SORBS2: variants seen among roughly 807,000 people sequenced by gnomAD.
The protein encoded by SORBS2 is sorbin and SH3 domain containing 2, also known as sorbin and SH3 domain-containing protein 2.
SORBS2 carries 46 observed loss-of-function variants against 97.7 expected under a neutral mutation model. That is an observed-to-expected ratio of 0.47 (90% CI 0.37 to 0.60). SORBS2 has a LOEUF of 0.60. SORBS2 is among the 20% of genes least tolerant of loss of function. The pLI is 0.00. For missense variants in SORBS2, 1,316 were observed against 1,282.3 expected (o/e 1.03, Z -0.40); for synonymous variants, 476 against 473.4 (o/e 1.01, Z -0.07).
intron 12 of SORBS2, among the ~76,000 whole-genome samples, chr4:185,599,950 TG>T (rs1185214864): frequency 6.6e-6 from 1 of 152,206 alleles, no homozygotes; most frequent in East Asian, 1.9e-4. Flanking sequence ...GACCCTACCC[TG>T]TGGGAACCGC....
intron 1 of SORBS2, among the ~76,000 whole-genome samples, chr4:185,935,362 A>C (rs1233808623): frequency 6.6e-6 from 1 of 152,172 alleles, no homozygotes; most frequent in Non-Finnish European, 1.5e-5. Context: ...AAGAAACTCA[A>C]AACTAAGCCA....
chr4:185,910,419 A>C (rs2099254310), intron 1 of SORBS2, among the ~76,000 whole-genome samples: 1 of 152,082 alleles, frequency 6.6e-6, no homozygotes, highest in Non-Finnish European at 1.5e-5. Flanking sequence ...CATTTCCATC[A>C]ATACTCCCAA....
chr4:185,649,905 T>C (rs2097283175), intron 2 of SORBS2, among the ~76,000 whole-genome samples: 1 of 152,248 alleles, frequency 6.6e-6, no homozygotes, highest in Non-Finnish European at 1.5e-5. Context: ...TCTTTGTCAA[T>C]TATTTCAGAA....
chr4:185,751,190 A>AAAAAAAAAAAAAAAACAAAAAAAAAAAG, intron 2 of SORBS2, among the ~76,000 whole-genome samples: 1 of 86,426 alleles, frequency 1.2e-5, no homozygotes, highest in Non-Finnish European at 2.5e-5. Context: ...AAAAAAAAAA[A>AAAAAAAAAAAAAAAACAAAAAAAAAAAG]AGAGAAAGAG....
In SORBS2 at chr4:185,670,073, G is replaced by A. The variant is rs558970951; in HGVS notation, c.-45-7831C>T. On this transcript the variant is annotated intron_variant, in intron 4 of 20. Coordinates refer to the SORBS2 transcript ENST00000284776. ...GTCTCTACTAAAAATACAAAAATTA[G>A]CCAGGCGTGATGGCAGGTGCCTGTA... 1.2e-4 allele frequency among the ~76,000 whole-genome samples: 18 copies of A among 152,090 alleles called. No homozygotes were observed. The East Asian group carries it at 3.5e-3, about 29-fold the overall frequency.
chr4:185,639,147 C>T (rs1389487574), intron 4 of SORBS2, 112 bp from the exon 14 acceptor site: 2 of 980,646 alleles, frequency 2.0e-6, no homozygotes, highest in African/African-American at 1.7e-5. Context: ...GGGGAGAGGC[C>T]TCCGGACGGC....
At chr4:185,622,818 C>A (rs1042180548) in intron 7 of SORBS2, 96 bp downstream of exon 19, 19 of 1,291,534 alleles carry the variant, frequency 1.5e-5, no homozygotes, top group Non-Finnish European at 2.0e-5. Context: ...CAAATGGTCT[C>A]CCAGCTCGGG....
chr4:185,822,209 TA>T (rs1460835885), intron 1 of SORBS2, among the ~76,000 whole-genome samples: 3 of 152,246 alleles, frequency 2.0e-5, no homozygotes, highest in Non-Finnish European at 4.4e-5. Context: ...CATTACTATT[TA>T]GGGTTTGACA....
chr4:185,894,092 G>A (rs1042691612), intron 1 of SORBS2, among the ~76,000 whole-genome samples: 3 of 152,048 alleles, frequency 2.0e-5, no homozygotes, highest in South Asian at 2.1e-4. Context: ...TCTGAATACC[G>A]ATCTCGAAAT....
At chr4:185,944,886 A>G (rs928340604) in intron 1 of SORBS2, among the ~76,000 whole-genome samples, 2 of 143,412 alleles carry the variant, frequency 1.4e-5, no homozygotes, top group Non-Finnish European at 3.1e-5. Flanking sequence ...CAGCCGAAAT[A>G]TTTGGGGTCA....
chr4:185,804,874 T>G (rs1466679915), intron 1 of SORBS2, among the ~76,000 whole-genome samples: 1 of 152,050 alleles, frequency 6.6e-6, no homozygotes, highest in Non-Finnish European at 1.5e-5. Flanking sequence ...CTATGGTTTT[T>G]TTTAACTTGA....
chr4:185,668,330 T>A (rs1009514324), intron 4 of SORBS2, among the ~76,000 whole-genome samples: 8 of 152,240 alleles, frequency 5.3e-5, no homozygotes, highest in African/African-American at 1.9e-4. Context: ...AACAAAATTA[T>A]TCCACCTTTC....
At chr4:185,778,079 T>C (rs1049865969) in intron 1 of SORBS2, among the ~76,000 whole-genome samples, 1 of 152,262 alleles carries the variant, frequency 6.6e-6, no homozygotes, top group Non-Finnish European at 1.5e-5. Context: ...GGACATAGTA[T>C]GTTAAATAGG....
intron 4 of SORBS2, among the ~76,000 whole-genome samples, chr4:185,667,693 T>C (rs943116838): frequency 3.3e-4 from 2 of 6,090 alleles, no homozygotes; most frequent in Non-Finnish European, 0.042. Flanking sequence ...ATGTGATATA[T>C]ATATATATAT....
At position 185,677,432 on chromosome 4, in the gene SORBS2, T is replaced by C. The variant is rs1056024088; in HGVS notation, c.-46+991A>G. The C allele has an allele frequency of 9.0e-6, 14 of 1,552,132 alleles. No individual in the cohort carries two copies. The African/African-American group carries it at 1.5e-4, about 17-fold the overall frequency. On this transcript the variant is annotated intron_variant, in intron 4 of 20. Transcript: ENST00000284776. ...TGATTTTTTGTGTATATGACATGGT[T>C]GTGTTAGATTCTTCAGAATATACAA... is the stretch of plus-strand genomic sequence containing the variant.
At chr4:185,810,627 T>A (rs963544068) in intron 1 of SORBS2, 1 of 152,242 alleles carries the variant, frequency 6.6e-6, no homozygotes, top group Non-Finnish European at 1.5e-5. Context: ...GAAATGTTGC[T>A]GAACCAGAAT....
chr4:185,868,640 C>T (rs1238288960), intron 1 of SORBS2, among the ~76,000 whole-genome samples: 2 of 152,042 alleles, frequency 1.3e-5, no homozygotes, highest in African/African-American at 2.4e-5. Flanking sequence ...TTTGTGCCAC[C>T]ACCGGTTGTA....
At chr4:185,650,185 G>A (rs762819217) in intron 2 of SORBS2, among the ~76,000 whole-genome samples, 6 of 152,200 alleles carry the variant, frequency 3.9e-5, no homozygotes, top group Admixed American at 3.9e-4. Flanking sequence ...TGCTTAGAGT[G>A]CACCTGGGAA....
intron 2 of SORBS2, among the ~76,000 whole-genome samples, chr4:185,700,050 AC>A (rs1316741291): frequency 6.6e-6 from 1 of 152,206 alleles, no homozygotes; most frequent in Admixed American, 6.5e-5. Context: ...GAAGGCATAC[AC>A]ACGAGAGGGG....
Sources: allele counts gnomAD v4.1 joint callset (sites outside exome capture counted in the v4.1 genomes callset), GRCh38; gene constraint gnomAD v4.1.1; transcripts MANE v1.5; gene names NCBI Gene and HGNC (gene_info 2026-07-23, HGNC 2026-07-21).